DAPK1: variants seen among roughly 807,000 people sequenced by gnomAD.
The protein encoded by DAPK1 is death-associated protein kinase 1.
Under a neutral mutation model 144.9 loss-of-function variants are expected in DAPK1, and 56 were observed. That is an observed-to-expected ratio of 0.39 (90% confidence interval 0.31 to 0.48). The LOEUF is 0.48. DAPK1 is among the 20% of genes least tolerant of loss of function. The pLI, the probability that DAPK1 is intolerant of heterozygous loss-of-function variation, is 0.95. For missense variants in DAPK1, 1,454 were observed against 1,875.4 expected, an observed-to-expected ratio of 0.78 and a Z score of 4.15; for synonymous variants, 690 against 749.0, an observed-to-expected ratio of 0.92 and a Z score of 1.29.
At chr9:87,675,132 ACACT>A (rs1395186204) in intron 19 of DAPK1, among the ~76,000 whole-genome samples, 10 of 152,170 alleles carry the variant, frequency 6.6e-5, no homozygotes, top group Non-Finnish European at 1.5e-4. Context: ...ACACAGCTAC[ACACT>A]CTTGTCTGTG....
intron 2 of DAPK1, among the ~76,000 whole-genome samples, chr9:87,602,842 C>CA (rs961311434): frequency 2.6e-5 from 4 of 152,098 alleles, no homozygotes; most frequent in Non-Finnish European, 5.9e-5. Flanking sequence ...CCATGTTGGC[C>CA]AGGCTGGTCT....
chr9:87,569,158 A>G (rs1370014372), intron 2 of DAPK1, among the ~76,000 whole-genome samples: 1 of 152,174 alleles, frequency 6.6e-6, no homozygotes, highest in Admixed American at 6.5e-5. Context: ...GCTCAGCCTC[A>G]GAGATTAGGA....
intron 2 of DAPK1, among the ~76,000 whole-genome samples, chr9:87,511,949 T>A (rs1461794430): frequency 6.6e-6 from 1 of 152,130 alleles, no homozygotes; most frequent in Non-Finnish European, 1.5e-5. Context: ...TGACCTTAGG[T>A]GATCCACCCA....
chr9:87,590,589 T>A (rs72747838), intron 2 of DAPK1, among the ~76,000 whole-genome samples: 23,438 of 149,744 alleles, frequency 0.16, 3,202 homozygotes, highest in African/African-American at 0.37. Flanking sequence ...ACTTAAAAAA[T>A]TTTTTTTTTT....
At chr9:87,640,015 G>A (rs1378653211) in intron 7 of DAPK1, among the ~76,000 whole-genome samples, 200 bp downstream of exon 7, 1 of 152,168 alleles carries the variant, frequency 6.6e-6, no homozygotes, top group East Asian at 1.9e-4. Context: ...ATCAGAAACT[G>A]TAGCATAATC....
intron 3 of DAPK1, among the ~76,000 whole-genome samples, chr9:87,612,496 G>A (rs1828964907): frequency 2.0e-5 from 3 of 152,170 alleles, no homozygotes; most frequent in African/African-American, 7.2e-5. Context: ...CCAACGTACT[G>A]AGTTAGGACT....
At chr9:87,502,142 A>C (rs1824426684) in intron 2 of DAPK1, among the ~76,000 whole-genome samples, 1 of 152,010 alleles carries the variant, frequency 6.6e-6, no homozygotes, top group Admixed American at 6.5e-5. Flanking sequence ...CAGCTTTGGG[A>C]GGGGATGCCT....
At chr9:87,669,783 G>A (rs1156917973) in intron 19 of DAPK1, among the ~76,000 whole-genome samples, 1 of 152,004 alleles carries the variant, frequency 6.6e-6, no homozygotes, top group East Asian at 1.9e-4. Flanking sequence ...CCACAGATTG[G>A]GATAATTTCT....
chr9:87,691,085 A>G (rs1315996180), intron 21 of DAPK1, among the ~76,000 whole-genome samples: 1 of 151,946 alleles, frequency 6.6e-6, no homozygotes, highest in African/African-American at 2.4e-5. Context: ...TTTTTTTGGA[A>G]TAGATTGAGG....
At chr9:87,547,933 A>G (rs1323739096) in intron 2 of DAPK1, among the ~76,000 whole-genome samples, 1 of 152,218 alleles carries the variant, frequency 6.6e-6, no homozygotes, top group Non-Finnish European at 1.5e-5. Flanking sequence ...ATCTGTGTCC[A>G]GGGCCCAGTC....
At chr9:87,643,347 C>CTTT (rs10650070) in intron 10 of DAPK1, 29 bp from the exon 11 acceptor site, 12,728 of 994,708 alleles carry the variant, frequency 0.013, 16 homozygotes, top group South Asian at 0.032. Context: ...CCCGCCCTCC[C>CTTT]TTTTTTTTTT....
At chr9:87,593,545 A>G (rs1274728648) in intron 2 of DAPK1, among the ~76,000 whole-genome samples, 1 of 152,200 alleles carries the variant, frequency 6.6e-6, no homozygotes, top group Non-Finnish European at 1.5e-5. Flanking sequence ...GAGTATTTGC[A>G]TGGTAATGAC....
chr9:87,563,771 A>G (rs1445680874), intron 2 of DAPK1, among the ~76,000 whole-genome samples: 1 of 152,114 alleles, frequency 6.6e-6, no homozygotes, highest in Non-Finnish European at 1.5e-5. Flanking sequence ...GAGCCTAGCC[A>G]GCACCAGGAG....
At chr9:87,609,510 C>T (rs1828852501) in intron 3 of DAPK1, among the ~76,000 whole-genome samples, 1 of 151,960 alleles carries the variant, frequency 6.6e-6, no homozygotes, top group African/African-American at 2.4e-5. Context: ...TTTTGCTATA[C>T]TTGTTTTGGA....
At position 87,497,959 on chromosome 9, in the gene DAPK1, T is replaced by TCTGGGGCCGGCGC. The variant is rs1824234624; in HGVS notation, c.-251_-239dup. On this transcript the variant is annotated 5_prime_UTR_variant, in exon 1 of 26. Transcript: ENST00000408954. ...GACTCGGCAACTCGCAGCGGCAGGGTCTGGGGCCGGCGCCTGGGAGGGATC... is the reference window on the plus strand; with the variant it reads ...GACTCGGCAACTCGCAGCGGCAGGGTCTGGGGCCGGCGCCTGGGGCCGGCGCCTGGGAGGGATC... 1 of 396,634 alleles carries TCTGGGGCCGGCGC rather than the reference T, an allele frequency of 2.5e-6. No individual in the cohort carries two copies. 24.6% of individuals were successfully genotyped at this position (396,634 alleles called of 1,614,324 possible). A position where few individuals can be genotyped will look rare whatever the true frequency, so the allele number is the denominator to read the frequency against.
intron 18 of DAPK1, among the ~76,000 whole-genome samples, chr9:87,658,422 G>C (rs1325306615): frequency 6.6e-6 from 1 of 152,154 alleles, no homozygotes; most frequent in Non-Finnish European, 1.5e-5. Context: ...TGCATGGTGG[G>C]GTGTGTGTAC....
chr9:87,502,085 G>A (rs1036086823), intron 2 of DAPK1, among the ~76,000 whole-genome samples: 4 of 152,130 alleles, frequency 2.6e-5, no homozygotes, highest in African/African-American at 9.7e-5. Context: ...CCCCAGGCAA[G>A]CTAATAACTT....
intron 2 of DAPK1, among the ~76,000 whole-genome samples, chr9:87,519,223 G>A (rs1177045409): frequency 2.0e-5 from 3 of 152,206 alleles, no homozygotes; most frequent in African/African-American, 7.2e-5. Context: ...GGCAGCAATG[G>A]CAGGCACCTC....
intron 3 of DAPK1, among the ~76,000 whole-genome samples, chr9:87,634,868 A>G (rs1453125796): frequency 6.6e-6 from 1 of 152,104 alleles, no homozygotes; most frequent in African/African-American, 2.4e-5. Flanking sequence ...CCCAACGCCA[A>G]AGAACCTGCT....
Sources: allele counts gnomAD v4.1 joint callset (sites outside exome capture counted in the v4.1 genomes callset), GRCh38; gene constraint gnomAD v4.1.1; transcripts MANE v1.5; gene names NCBI Gene and HGNC (gene_info 2026-07-23, HGNC 2026-07-21).